The following APBB1 variants were observed in gnomAD, a reference collection of about 807,000 sequenced individuals.
The protein encoded by APBB1 is amyloid beta precursor protein binding family B member 1.
A neutral mutation model predicts 78.4 loss-of-function variants in APBB1; 22 were observed. That is an observed-to-expected ratio of 0.28 (90% CI 0.20 to 0.40). The LOEUF (loss-of-function observed/expected upper bound fraction) is 0.40, where lower values mean the gene tolerates loss of function less well. Among genes scored for constraint, APBB1 ranks in the 10% least tolerant of loss-of-function variants. APBB1 has a pLI of 1.00. For missense variants in APBB1, 749 were observed against 932.4 expected (o/e 0.80, Z 2.56); for synonymous variants, 369 against 372.7 (o/e 0.99, Z 0.12).
In APBB1 at chr11:6,395,622, G is replaced by A; in HGVS notation, c.2045C>T (p.Ala682Val). 1 of 1,598,572 alleles carries A rather than the reference G, an allele frequency of 6.3e-7. No homozygotes were observed. Among genetic ancestry groups the A allele is most frequent in the Non-Finnish European group, 8.5e-7 (1 of 1,171,250 alleles). ...CLPAPPAESV[A>V]RRVGWTVRRG... The stretch of plus-strand genomic sequence containing the variant: ...GCGGACAGTCCACCCTACACGCCGT[G>A]CCACAGACTCAGCAGGGGGTGCTGG... Residue 682 changes from alanine to valine, a missense_variant, in exon 15 of 15, where the codon GCA becomes GTA. Transcript: ENST00000609360. The surrounding 1 kb of genome is among the most constrained non-coding windows in gnomAD (Gnocchi z 5.2).
Position 6,411,324 on chromosome 11 carries a change from G to A in APBB1, c.24C>T (p.Ser8=). The A allele has an allele frequency of 1.3e-6, 2 of 1,548,476 alleles. No homozygotes were observed. The highest frequency in any genetic ancestry group is 8.7e-7 in the Non-Finnish European group (1 of 1,148,126). ...GGCTGTTGGCATTAATGGCCGACTG[G>A]CTCAGTGATGATGGAACAGACATGG... The part of the protein sequence containing the change: MSVPSSL[S]QSAINANSHG... The change falls in exon 2 of 15, where the codon AGC becomes AGT. Residue 8 remains serine (S), a synonymous_variant. Coordinates refer to ENST00000609360, the MANE Select transcript of APBB1 (RefSeq NM_001164.5). The surrounding 1 kb of genome is among the most constrained non-coding windows in gnomAD (Gnocchi z 5.2).
chr11:6,413,523 C>G (rs2134107596), intron 1 of APBB1, among the ~76,000 whole-genome samples: 1 of 152,370 alleles, frequency 6.6e-6, no homozygotes, highest in East Asian at 1.9e-4. Flanking sequence ...GCGGTGCGCC[C>G]AGGCTGGAGT....
At chr11:6,414,071 C>G (rs962672944) in intron 1 of APBB1, among the ~76,000 whole-genome samples, 1 of 151,878 alleles carries the variant, frequency 6.6e-6, no homozygotes, top group Non-Finnish European at 1.5e-5. Flanking sequence ...CGCCTGCACT[C>G]GTTCGCAGAC....
chr11:6,410,798 C>G lies in APBB1; in HGVS notation c.550G>C (p.Glu184Gln). The G allele has an allele frequency of 2.5e-6, 4 of 1,612,814 alleles. No homozygotes were observed. Among genetic ancestry groups the G allele is most frequent in the Non-Finnish European group, 2.5e-6 (3 of 1,179,188 alleles). ...SSPPGLPEPL[E>Q]SVEAPPRPQA... Reference sequence around the variant, plus strand: ...GGCCTGGGAGGGGCCTCCACACTCTCCAGGGGCTCAGGCAGCCCTGGGGGA... The same window carrying G: ...GGCCTGGGAGGGGCCTCCACACTCTGCAGGGGCTCAGGCAGCCCTGGGGGA... Residue 184 changes from glutamate (E) to glutamine (Q), a missense_variant, in exon 2 of 15, where the codon GAG (glutamate) becomes CAG (glutamine). By Grantham distance (29) the Glu-to-Gln change is conservative. Around this residue, in one of 3 missense-constraint regions of APBB1, gnomAD observed 635 missense variants for 765.0 expected, o/e 0.83. Coordinates refer to ENST00000609360, the MANE Select transcript of APBB1 (RefSeq NM_001164.5).
At chr11:6,409,862 T>C (rs1331365418) in intron 2 of APBB1, among the ~76,000 whole-genome samples, 1 of 152,212 alleles carries the variant, frequency 6.6e-6, no homozygotes, top group Non-Finnish European at 1.5e-5. Flanking sequence ...CTAGTATCTA[T>C]TCTCCTCCCC....
At chr11:6,402,841 C>A in intron 6 of APBB1, 116 bp from the exon 7 acceptor site, 1 of 1,315,178 alleles carries the variant, frequency 7.6e-7, no homozygotes, top group Non-Finnish European at 1.1e-6. Context: ...AGAAGCTCCC[C>A]AAACAGGATG....
At chr11:6,412,654 G>T (rs1263238802) in intron 1 of APBB1, among the ~76,000 whole-genome samples, 1 of 152,144 alleles carries the variant, frequency 6.6e-6, no homozygotes, top group Admixed American at 6.5e-5. Context: ...TTTCCATGTT[G>T]GTGAGGATTT....
intron 2 of APBB1, chr11:6,405,490 C>T: frequency 1.0e-6 from 1 of 986,736 alleles, no homozygotes; most frequent in South Asian, 4.7e-5. Flanking sequence ...CCAGGGAAAC[C>T]AGGAATCCTG....
intron 1 of APBB1, among the ~76,000 whole-genome samples, chr11:6,414,156 T>C (rs191220620): frequency 6.6e-6 from 1 of 152,202 alleles, no homozygotes; most frequent in South Asian, 2.1e-4. Context: ...TTATACCTTA[T>C]ACTCTAGCCA....
chr11:6,413,032 T>C (rs1237712344), intron 1 of APBB1, among the ~76,000 whole-genome samples: 3 of 151,478 alleles, frequency 2.0e-5, no homozygotes, highest in Non-Finnish European at 4.4e-5. Flanking sequence ...CATTCCATCC[T>C]CCCCACTCTC....
At chr11:6,416,745 CTT>C (rs777458150) in intron 1 of APBB1, among the ~76,000 whole-genome samples, 46 of 142,662 alleles carry the variant, frequency 3.2e-4, no homozygotes, top group Admixed American at 3.5e-4. Flanking sequence ...ACAAAATTCC[CTT>C]TTTTTTTTTT....
rs1848964895 is a variant in APBB1, at chr11:6,411,539, C to T, written c.-14-178G>A. Among the ~76,000 whole-genome samples, 1 of 152,180 alleles carries T rather than the reference C, an allele frequency of 6.6e-6. No homozygotes were observed. Among genetic ancestry groups the T allele is most frequent in the African/African-American group, 2.4e-5 (1 of 41,440 alleles). On this transcript the variant is annotated intron_variant, in intron 1 of 14. Transcript: ENST00000609360. The surrounding 1 kb of genome is among the most constrained non-coding windows in gnomAD (Gnocchi z 5.2). ...TCAACTTCTGTCCCAGCACTATCATCCCCATCACAGTCCAGGCCCAGGTCT... is the reference window on the plus strand; with the variant it reads ...TCAACTTCTGTCCCAGCACTATCATTCCCATCACAGTCCAGGCCCAGGTCT...
At chr11:6,397,322 C>A (rs886500673) in intron 12 of APBB1, among the ~76,000 whole-genome samples, 1 of 152,264 alleles carries the variant, frequency 6.6e-6, no homozygotes, top group Non-Finnish European at 1.5e-5. Context: ...CCTTGCTCAT[C>A]TGACTTCTAG....
rs1848527205 is a variant in APBB1 at position 6,401,776 on chromosome 11, A to ACAGCTC, written c.1389-94_1389-89dup. 6.6e-6 allele frequency: 10 copies of ACAGCTC among 1,514,636 alleles called. No homozygotes were observed. The highest frequency in any genetic ancestry group is 8.2e-6 in the Non-Finnish European group (9 of 1,094,232). 93.8% of individuals were successfully genotyped at this position (1,514,636 alleles called of 1,614,324 possible). ...CCCACCCACGTCCTCCCTGCCCATC[A>ACAGCTC]CAGCTCCTCCAGGGCTTCTGCCCAC... On this transcript the variant is annotated intron_variant, in intron 9 of 14. Transcript: ENST00000609360. This position sits in a 1 kb window ranked among gnomAD's most constrained non-coding sequence, Gnocchi z 4.5.
At chr11:6,404,043 G>T in intron 2 of APBB1, 1 of 457,840 alleles carries the variant, frequency 2.2e-6, no homozygotes, top group Non-Finnish European at 3.8e-6. Flanking sequence ...CCCTGTTGGT[G>T]GCTAATGTGG....
intron 1 of APBB1, among the ~76,000 whole-genome samples, chr11:6,414,430 C>T (rs116854484): frequency 6.6e-6 from 1 of 152,348 alleles, no homozygotes; most frequent in East Asian, 1.9e-4. Flanking sequence ...TTCAATTTCA[C>T]ATTCCCATTA....
At chr11:6,416,639 A>G (rs1849123150) in intron 1 of APBB1, among the ~76,000 whole-genome samples, 1 of 152,020 alleles carries the variant, frequency 6.6e-6, no homozygotes, top group African/African-American at 2.4e-5. Flanking sequence ...GCTATGTTCA[A>G]TCCATCTCTA....
chr11:6,397,336 G>T (rs1460389442), intron 12 of APBB1, among the ~76,000 whole-genome samples: 1 of 152,198 alleles, frequency 6.6e-6, no homozygotes, highest in Non-Finnish European at 1.5e-5. Context: ...CTTCTAGCTG[G>T]ATCAAGGCCA....
chr11:6,403,598 C>T lies in APBB1; in HGVS notation c.897+49G>A. ...AGTGTCCTATCCTACTCCAGCAGCA[C>T]ACACTCCCTCCACCCCTGGCCCAAA... On this transcript the variant is annotated intron_variant, in intron 3 of 14. Transcript: ENST00000609360. This position sits in a 1 kb window ranked among gnomAD's most constrained non-coding sequence, Gnocchi z 5.3. 6.2e-7 allele frequency: 1 copy of T among 1,613,708 alleles called. No homozygotes were observed. The highest frequency in any genetic ancestry group is 8.5e-7 in the Non-Finnish European group (1 of 1,179,648).
Sources: gnomAD v4.1 joint callset for allele counts (sites outside exome capture counted in the v4.1 genomes callset) on GRCh38, gnomAD v4.1.1 for gene constraint, gnomAD v4.1.1 regional missense constraint, Gnocchi (gnomAD v3.1) non-coding constraint, MANE v1.5 for transcripts, NCBI Gene and HGNC (gene_info 2026-07-23, HGNC 2026-07-21) for gene names.